Variants in ANO10 observed in about 807,000 individuals in gnomAD.
ANO10 encodes anoctamin-10.
Under a neutral mutation model 74.7 loss-of-function variants are expected in ANO10, and 77 were observed. The ratio of observed to expected loss-of-function variants is 1.03; its 90% CI spans 0.86 to 1.25. ANO10 has a LOEUF of 1.25. Among genes scored for constraint, ANO10 ranks in the 50% most tolerant of loss-of-function variants. ANO10 has a pLI of 0.00. For missense variants in ANO10, 721 were observed against 778.1 expected, an observed-to-expected ratio of 0.93 and a Z score of 0.87; for synonymous variants, 279 against 284.9, an observed-to-expected ratio of 0.98 and a Z score of 0.21.
intron 12 of ANO10, among the ~76,000 whole-genome samples, chr3:43,392,105 C>G (rs764051988): frequency 6.6e-6 from 1 of 152,136 alleles, no homozygotes; most frequent in Non-Finnish European, 1.5e-5. Context: ...GGTGGGCCCT[C>G]TCCCTCCTGT....
At chr3:43,387,376 C>T (rs2092152634) in intron 12 of ANO10, among the ~76,000 whole-genome samples, 1 of 152,162 alleles carries the variant, frequency 6.6e-6, no homozygotes, top group Non-Finnish European at 1.5e-5. Context: ...TTATCACTCC[C>T]ATGTCTCCAG....
intron 1 of ANO10, among the ~76,000 whole-genome samples, chr3:43,671,196 CA>C (rs932340860): frequency 6.6e-6 from 1 of 152,014 alleles, no homozygotes; most frequent in South Asian, 2.1e-4. Context: ...ACTTGGTCAA[CA>C]AAAAAAGTTT....
chr3:43,561,961 A>G (rs992149277), intron 8 of ANO10, among the ~76,000 whole-genome samples: 1 of 152,254 alleles, frequency 6.6e-6, no homozygotes, highest in Non-Finnish European at 1.5e-5. Context: ...AAGTTTGGCT[A>G]AATTCTTTTT....
intron 1 of ANO10, among the ~76,000 whole-genome samples, chr3:43,620,922 G>T (rs1401090355): frequency 2.6e-5 from 4 of 152,214 alleles, no homozygotes; most frequent in Admixed American, 1.3e-4. Flanking sequence ...CAGAACAGAT[G>T]ATTTACTTTC....
chr3:43,596,950 A>G (rs1268380226), intron 4 of ANO10, among the ~76,000 whole-genome samples: 2 of 152,232 alleles, frequency 1.3e-5, no homozygotes, highest in Non-Finnish European at 2.9e-5. Flanking sequence ...AAAAGTGGGC[A>G]AAGGATATGA....
chr3:43,445,956 C>A (rs756442223), intron 11 of ANO10, among the ~76,000 whole-genome samples: 36 of 152,124 alleles, frequency 2.4e-4, no homozygotes, highest in Non-Finnish European at 1.9e-4. Context: ...CACAGCCTCC[C>A]AAAGAGCTGG....
chr3:43,691,022 T>G lies in ANO10; in HGVS notation c.-12+495A>C, dbSNP rs142160005. ...CGGCGGAGGAGGAGGAGGTGGACTC[T>G]GCCGACACCGGAGAGAGGTAAGCGC... On this transcript the variant is annotated intron_variant, in intron 1 of 3. Transcript: ENST00000413397. 3.2e-6 allele frequency: 5 copies of G among 1,563,824 alleles called. No individual in the cohort carries two copies. In the African/African-American group the frequency reaches 5.7e-5, roughly 18 times the overall value.
At chr3:43,508,584 C>T (rs2077384149) in intron 11 of ANO10, among the ~76,000 whole-genome samples, 1 of 152,106 alleles carries the variant, frequency 6.6e-6, no homozygotes, top group South Asian at 2.1e-4. Context: ...GAAAATGTGG[C>T]ACATATACAC....
intron 11 of ANO10, among the ~76,000 whole-genome samples, chr3:43,443,595 G>A (rs562749645): frequency 4.1e-4 from 62 of 151,938 alleles, no homozygotes; most frequent in African/African-American, 1.3e-3. Context: ...AGGGAAAAAA[G>A]GGAATATGTT....
intron 11 of ANO10, chr3:43,485,214 A>G (rs1575227986): frequency 2.9e-6 from 2 of 679,380 alleles, no homozygotes; most frequent in Non-Finnish European, 5.3e-6. Flanking sequence ...TTGCCGGTAC[A>G]TGTTGTAGGT....
chr3:43,377,149 C>T (rs979765716), intron 12 of ANO10, among the ~76,000 whole-genome samples: 1 of 152,136 alleles, frequency 6.6e-6, no homozygotes, highest in African/African-American at 2.4e-5. Flanking sequence ...TGCAGTGGCA[C>T]AATCACAGCT....
At chr3:43,461,591 T>C (rs2075381578) in intron 11 of ANO10, among the ~76,000 whole-genome samples, 1 of 152,168 alleles carries the variant, frequency 6.6e-6, no homozygotes, top group Non-Finnish European at 1.5e-5. Context: ...CAAGATATGA[T>C]GGTTTAAAAA....
chr3:43,542,990 C>T (rs1476861049), intron 11 of ANO10, among the ~76,000 whole-genome samples: 3 of 152,200 alleles, frequency 2.0e-5, no homozygotes, highest in African/African-American at 7.2e-5. Context: ...TTAGAACACT[C>T]ATGCAAGGGA....
At chr3:43,461,649 T>C (rs1231409148) in intron 11 of ANO10, among the ~76,000 whole-genome samples, 1 of 152,228 alleles carries the variant, frequency 6.6e-6, no homozygotes, top group African/African-American at 2.4e-5. Flanking sequence ...CTGCCATTCA[T>C]GTAAGACGTG....
chr3:43,463,818 T>C (rs1575925373), intron 11 of ANO10, among the ~76,000 whole-genome samples: 1 of 152,116 alleles, frequency 6.6e-6, no homozygotes, highest in East Asian at 1.9e-4. Flanking sequence ...GATGTGAGAT[T>C]TGGGAGCAGT....
intron 2 of ANO10, among the ~76,000 whole-genome samples, chr3:43,601,651 G>C (rs2082340435): frequency 1.3e-5 from 2 of 152,042 alleles, no homozygotes; most frequent in Admixed American, 6.6e-5. Flanking sequence ...CTATCATCTA[G>C]GTAATTTATA....
At chr3:43,374,811 TTA>T (rs2091740987) in intron 12 of ANO10, among the ~76,000 whole-genome samples, 2 of 152,152 alleles carry the variant, frequency 1.3e-5, no homozygotes, top group Non-Finnish European at 2.9e-5. Flanking sequence ...TAGCAAGATA[TTA>T]AAGAGTGCTT....
intron 11 of ANO10, among the ~76,000 whole-genome samples, chr3:43,449,408 G>C (rs1179875707): frequency 6.6e-6 from 1 of 151,374 alleles, no homozygotes; most frequent in Non-Finnish European, 1.5e-5. Flanking sequence ...AGAACACCCA[G>C]ATTTTCTCTT....
intron 4 of ANO10, among the ~76,000 whole-genome samples, chr3:43,591,528 C>G (rs1332532032): frequency 6.6e-6 from 1 of 152,156 alleles, no homozygotes; most frequent in African/African-American, 2.4e-5. Flanking sequence ...CAGCCTGCCC[C>G]CATCCTGGGA....
Sources: gnomAD v4.1 joint callset for allele counts (sites outside exome capture counted in the v4.1 genomes callset) on GRCh38, gnomAD v4.1.1 for gene constraint, MANE v1.5 for transcripts, NCBI Gene and HGNC (gene_info 2026-07-23, HGNC 2026-07-21) for gene names.